The following ST3GAL3 variants were observed in gnomAD, a reference collection of about 807,000 sequenced individuals.
ST3GAL3 encodes CMP-N-acetylneuraminate-beta-1,4-galactoside alpha-2,3-sialyltransferase.
Under a neutral mutation model 50.1 loss-of-function variants are expected in ST3GAL3, and 21 were observed. The observed-to-expected ratio is 0.42, with a 90% confidence interval of 0.30 to 0.60. ST3GAL3 has a LOEUF of 0.60. Ranked by LOEUF, ST3GAL3 falls within the 20% of genes least tolerant of loss-of-function variation. ST3GAL3 has a pLI of 0.19. For missense variants in ST3GAL3, 353 were observed against 489.4 expected (o/e 0.72, Z 2.63); for synonymous variants, 183 against 190.0 (o/e 0.96, Z 0.30).
intron 11 of ST3GAL3, among the ~76,000 whole-genome samples, chr1:43,928,811 A>G (rs1473854538): frequency 6.6e-6 from 1 of 152,128 alleles, no homozygotes. Context: ...CAGGTGGCTG[A>G]GGCAGGAGAA....
chr1:43,735,464 C>T (rs1677989089), intron 1 of ST3GAL3, among the ~76,000 whole-genome samples: 1 of 152,170 alleles, frequency 6.6e-6, no homozygotes, highest in Non-Finnish European at 1.5e-5. Flanking sequence ...ACATGGAAAG[C>T]ATGAAAAGGA....
chr1:43,863,502 G>GTTCAAACAAGAACAT (rs2070530030), intron 5 of ST3GAL3, among the ~76,000 whole-genome samples: 3 of 152,228 alleles, frequency 2.0e-5, no homozygotes, highest in African/African-American at 7.2e-5. Context: ...ATTCACACAA[G>GTTCAAACAAGAACAT]TCAAGTTCAA....
chr1:43,856,116 A>G (rs943054275), intron 5 of ST3GAL3, among the ~76,000 whole-genome samples: 1 of 152,264 alleles, frequency 6.6e-6, no homozygotes, highest in Non-Finnish European at 1.5e-5. Context: ...AGATCAGTCA[A>G]AAGCCACAGT....
intron 2 of ST3GAL3, among the ~76,000 whole-genome samples, chr1:43,749,238 A>G (rs1245599809): frequency 6.6e-6 from 1 of 152,258 alleles, no homozygotes; most frequent in Non-Finnish European, 1.5e-5. Flanking sequence ...TAAAATTTAT[A>G]GAAAAGGAGA....
At chr1:43,724,093 G>A (rs1671796816) in intron 1 of ST3GAL3, among the ~76,000 whole-genome samples, 1 of 152,008 alleles carries the variant, frequency 6.6e-6, no homozygotes, top group Non-Finnish European at 1.5e-5. Flanking sequence ...TGTAATATAT[G>A]TATGCATATA....
At chr1:43,921,666 C>T (rs1557569189) in intron 11 of ST3GAL3, 4 of 398,708 alleles carry the variant, frequency 1.0e-5, no homozygotes, top group Non-Finnish European at 1.8e-5. Context: ...GGTCTCAGCC[C>T]TCATTCCTGC....
intron 2 of ST3GAL3, among the ~76,000 whole-genome samples, chr1:43,764,342 C>T (rs1034001498): frequency 6.6e-6 from 1 of 152,066 alleles, no homozygotes; most frequent in African/African-American, 2.4e-5. Context: ...AAGGTTCCAT[C>T]CCACTGTGAT....
chr1:43,713,522 ATTTTTT>A (rs556526111), intron 1 of ST3GAL3, among the ~76,000 whole-genome samples: 2 of 122,174 alleles, frequency 1.6e-5, no homozygotes, highest in East Asian at 4.8e-4. Context: ...ACGTTGTGGG[ATTTTTT>A]TTTTTTTTTT....
At chr1:43,796,918 C>A (rs1435671082) in intron 3 of ST3GAL3, among the ~76,000 whole-genome samples, 1 of 152,170 alleles carries the variant, frequency 6.6e-6, no homozygotes, top group Admixed American at 6.5e-5. Context: ...GTGCAGTGGC[C>A]CATGCCTGTA....
At chr1:43,790,383 A>G (rs1254820644) in intron 2 of ST3GAL3, among the ~76,000 whole-genome samples, 3 of 152,132 alleles carry the variant, frequency 2.0e-5, no homozygotes, top group African/African-American at 4.8e-5. Context: ...CTCTGGTGCC[A>G]TTTGCATCCG....
intron 2 of ST3GAL3, among the ~76,000 whole-genome samples, chr1:43,779,682 A>G (rs1192544823): frequency 1.3e-5 from 2 of 152,260 alleles, no homozygotes; most frequent in African/African-American, 4.8e-5. Flanking sequence ...CTATCCTCCA[A>G]TTCTTCTAAT....
chr1:43,794,985 CA>C, intron 3 of ST3GAL3, among the ~76,000 whole-genome samples: 1 of 151,862 alleles, frequency 6.6e-6, no homozygotes, highest in South Asian at 2.1e-4. Flanking sequence ...GGGATGGGTA[CA>C]GGGGGGCTTC....
chr1:43,794,320 G>A lies in ST3GAL3; in HGVS notation c.166+2171G>A, dbSNP rs149248116. Among the ~76,000 whole-genome samples the A allele has an allele frequency of 4.7e-3, 714 of 152,320 alleles. 7 individuals carry two copies. Among genetic ancestry groups the A allele is most frequent in the South Asian group, 0.019 (90 of 4,834 alleles). On this transcript the variant is annotated intron_variant, in intron 3 of 11. Coordinates refer to ENST00000347631, the MANE Select transcript of ST3GAL3 (RefSeq NM_006279.5). ...TAAACCCAAGAAAAGGTGTTTGATT[G>A]TATTAGTACTCAGCAAAATGCAAAT...
At chr1:43,921,905 T>A (rs1021239122) in intron 11 of ST3GAL3, 2 of 397,490 alleles carry the variant, frequency 5.0e-6, no homozygotes, top group African/African-American at 4.1e-5. Context: ...GGTGGCCAAT[T>A]CCAGTGGACA....
intron 11 of ST3GAL3, among the ~76,000 whole-genome samples, chr1:43,928,580 A>G (rs1013137839): frequency 1.3e-5 from 2 of 151,288 alleles, no homozygotes; most frequent in Admixed American, 6.6e-5. Flanking sequence ...AGCCTGGGCA[A>G]CAGAGCAAGA....
intron 9 of ST3GAL3, chr1:43,916,960 AC>A (rs1258930987): frequency 6.6e-6 from 1 of 152,138 alleles, no homozygotes; most frequent in Admixed American, 6.6e-5. Context: ...TCTGTTGTAA[AC>A]TTTTGGATTT....
intron 4 of ST3GAL3, among the ~76,000 whole-genome samples, chr1:43,827,241 T>C (rs2062929697): frequency 6.6e-6 from 1 of 152,188 alleles, no homozygotes; most frequent in African/African-American, 2.4e-5. Flanking sequence ...GTTTTCAGGC[T>C]GTAAGGTTAA....
At chr1:43,846,716 C>T (rs2066315941) in intron 5 of ST3GAL3, among the ~76,000 whole-genome samples, 1 of 152,188 alleles carries the variant, frequency 6.6e-6, no homozygotes, top group African/African-American at 2.4e-5. Context: ...CTAGGCTGGT[C>T]TCAAATTCCT....
chr1:43,925,351 C>T (rs1164392064), intron 11 of ST3GAL3, among the ~76,000 whole-genome samples: 1 of 150,154 alleles, frequency 6.7e-6, no homozygotes, highest in East Asian at 2.0e-4. Context: ...ACTTCAGGAC[C>T]TTGGTTCAGG....
Sources: gnomAD v4.1 joint callset for allele counts (sites outside exome capture counted in the v4.1 genomes callset) on GRCh38, gnomAD v4.1.1 for gene constraint, MANE v1.5 for transcripts, NCBI Gene and HGNC (gene_info 2026-07-23, HGNC 2026-07-21) for gene names.